The following FCHO2 variants were observed in gnomAD, a reference collection of about 807,000 sequenced individuals.
The protein encoded by FCHO2 is F-BAR domain only protein 2.
Under a neutral mutation model 114.1 loss-of-function variants are expected in FCHO2, and 43 were observed. The ratio of observed to expected loss-of-function variants is 0.38; its 90% CI spans 0.30 to 0.49. The LOEUF is 0.49. Ranked by LOEUF, FCHO2 falls within the 20% of genes least tolerant of loss-of-function variation. The pLI, the probability that FCHO2 is intolerant of heterozygous loss-of-function variation, is 0.97. For missense variants in FCHO2, 807 were observed against 950.4 expected, an observed-to-expected ratio of 0.85 and a Z score of 1.98; for synonymous variants, 293 against 315.2, an observed-to-expected ratio of 0.93 and a Z score of 0.75.
intron 10 of FCHO2, among the ~76,000 whole-genome samples, chr5:73,040,848 T>TTTCAG (rs1756768860): frequency 6.6e-6 from 1 of 152,172 alleles, no homozygotes; most frequent in Admixed American, 6.5e-5. Context: ...ACTTGCTACT[T>TTTCAG]AATACTGACT....
chr5:73,000,123 G>A (rs1018948636), intron 5 of FCHO2, among the ~76,000 whole-genome samples: 7 of 152,018 alleles, frequency 4.6e-5, no homozygotes, highest in South Asian at 2.1e-4. Context: ...CTTCACCTCA[G>A]CTTCCAGAGT....
At position 73,070,931 on chromosome 5, in the gene FCHO2, G is replaced by T. The variant is rs530263738; in HGVS notation, c.1579+2152G>T. ...TTGGGACACACACTGAAATTGAAAA[G>T]CACTGTGAGACGTCACCAGGTATTG... On this transcript the variant is annotated intron_variant, in intron 19 of 25. Transcript: ENST00000430046. Among the ~76,000 whole-genome samples, 6 of 152,132 alleles carry T rather than the reference G, an allele frequency of 3.9e-5. No individual in the cohort carries two copies. The East Asian group carries it at 1.2e-3, about 30-fold the overall frequency.
At chr5:73,080,478 C>T (rs1017448020) in intron 22 of FCHO2, among the ~76,000 whole-genome samples, 1 of 152,120 alleles carries the variant, frequency 6.6e-6, no homozygotes, top group Non-Finnish European at 1.5e-5. Context: ...GTTTAGAAAG[C>T]ACCTAAGTAC....
chr5:73,000,915 C>T (rs1341820815), intron 5 of FCHO2, among the ~76,000 whole-genome samples: 1 of 152,014 alleles, frequency 6.6e-6, no homozygotes, highest in Non-Finnish European at 1.5e-5. Context: ...GCCCAACTTC[C>T]CTTTTAATAA....
In FCHO2 at chr5:73,078,256, C is replaced by G. The variant is rs201144240; in HGVS notation, c.1924C>G (p.Leu642Val). The change falls in exon 22 of 26, where the codon CTG (leucine) becomes GTG (valine). Residue 642 changes from leucine (L) to valine (V), a missense_variant. Coordinates refer to ENST00000430046, the MANE Select transcript of FCHO2 (RefSeq NM_138782.3). ...MQAVTVYLKKLSEQNPAASYY... is the reference protein window; with the variant it reads ...MQAVTVYLKKVSEQNPAASYY... The stretch of plus-strand genomic sequence containing the variant: ...AGCTGTTACAGTCTACCTCAAGAAG[C>G]TGTCAGAGCAAAATCCAGCTGCTTC... The G allele has an allele frequency of 6.3e-7, 1 of 1,595,750 alleles. No individual in the cohort carries two copies.
intron 2 of FCHO2, among the ~76,000 whole-genome samples, chr5:72,974,756 C>G (rs1412147670): frequency 6.6e-6 from 1 of 152,034 alleles, no homozygotes; most frequent in Non-Finnish European, 1.5e-5. Context: ...ATGATGTTAG[C>G]TGGTGATTTT....
rs150597918 is a variant in FCHO2, at chr5:73,041,788, A to G, written c.939+473A>G. Among the ~76,000 whole-genome samples the G allele has an allele frequency of 3.6e-3, 544 of 152,214 alleles. 5 individuals carry two copies. Among genetic ancestry groups the G allele is most frequent in the African/African-American group, 0.013 (528 of 41,580 alleles). On this transcript the variant is annotated intron_variant, in intron 11 of 25. Transcript: ENST00000430046. Reference sequence around the variant, plus strand: ...GTTTTATTTTAAAGAAGGGTTGCTTATATTTCTTGATTAAATGTATTTCTT... The same window carrying G: ...GTTTTATTTTAAAGAAGGGTTGCTTGTATTTCTTGATTAAATGTATTTCTT...
intron 5 of FCHO2, among the ~76,000 whole-genome samples, chr5:72,993,569 T>A (rs747915020): frequency 9.2e-5 from 14 of 151,496 alleles, no homozygotes; most frequent in Non-Finnish European, 1.8e-4. Flanking sequence ...AAAATGGGTA[T>A]TTTTTTTTCC....
chr5:73,081,886 A>G lies in FCHO2; in HGVS notation c.2084A>G (p.Glu695Gly). The part of the protein sequence containing the change: ...DLRVDYKYNP[E>G]AMVAPSVLSN... ...AGAGTGGATTATAAATACAATCCAG[A>G]AGCTATGGTGGCACCTAGTGTGCTT... The change falls in exon 23 of 26, where the codon GAA becomes GGA. Residue 695 changes from glutamate to glycine, a missense_variant. Physicochemically the swap from Glu to Gly is moderately conservative, Grantham distance 98. Coordinates refer to ENST00000430046, the MANE Select transcript of FCHO2 (RefSeq NM_138782.3). 1 of 1,612,826 alleles carries G rather than the reference A, an allele frequency of 6.2e-7. No homozygotes were observed. The highest frequency in any genetic ancestry group is 8.5e-7 in the Non-Finnish European group (1 of 1,179,310).
intron 11 of FCHO2, among the ~76,000 whole-genome samples, chr5:73,047,424 C>A (rs1006302732): frequency 3.3e-5 from 5 of 151,930 alleles, no homozygotes; most frequent in Admixed American, 6.6e-5. Context: ...CAAAGATAAG[C>A]AGATGTATGT....
chr5:73,008,916 C>T (rs538291092), intron 6 of FCHO2, among the ~76,000 whole-genome samples: 34 of 152,244 alleles, frequency 2.2e-4, no homozygotes, highest in South Asian at 8.3e-4. Context: ...TTCCAAAACT[C>T]GCCTGGTCCC....
rs1487171288 is a variant in FCHO2 at position 73,089,221 on chromosome 5, CTG to C, written c.*1132_*1133del. On this transcript the variant is annotated 3_prime_UTR_variant, in exon 26 of 26. Coordinates refer to ENST00000430046, the MANE Select transcript of FCHO2 (RefSeq NM_138782.3). Reference sequence around the variant, plus strand: ...AAAAACTATAGTGCTAAATTGGTAACTGGTATTTTAACTCTCAATTTAGCATT... The same window carrying C: ...AAAAACTATAGTGCTAAATTGGTAACGTATTTTAACTCTCAATTTAGCATT... 1 of 152,470 alleles carries C rather than the reference CTG, an allele frequency of 6.6e-6. No individual in the cohort carries two copies. Among genetic ancestry groups the C allele is most frequent in the Non-Finnish European group, 1.5e-5 (1 of 67,968 alleles). 9.4% of individuals were successfully genotyped at this position (152,470 alleles called of 1,614,324 possible).
At chr5:72,984,126 G>A (rs1287602534) in intron 2 of FCHO2, among the ~76,000 whole-genome samples, 1 of 152,112 alleles carries the variant, frequency 6.6e-6, no homozygotes, top group African/African-American at 2.4e-5. Context: ...TTTCTCTGGT[G>A]AATAATGGGA....
At chr5:73,012,836 A>C (rs1755094929) in intron 6 of FCHO2, among the ~76,000 whole-genome samples, 1 of 152,066 alleles carries the variant, frequency 6.6e-6, no homozygotes, top group Admixed American at 6.6e-5. Context: ...CCCTACCCCC[A>C]AAACCCCACA....
At chr5:73,014,630 A>G (rs374751660) in intron 6 of FCHO2, among the ~76,000 whole-genome samples, 19 of 152,272 alleles carry the variant, frequency 1.2e-4, no homozygotes, top group East Asian at 5.8e-4. Flanking sequence ...TTGAAAATCT[A>G]TGGGCTAGAT....
intron 19 of FCHO2, among the ~76,000 whole-genome samples, chr5:73,070,092 A>C (rs1331309040): frequency 2.0e-5 from 3 of 152,092 alleles, no homozygotes; most frequent in Admixed American, 6.6e-5. Context: ...AGAAATGCAG[A>C]CTTTTAAAAT....
rs931516008 is a variant in FCHO2 at position 73,089,930 on chromosome 5, A to G, written c.*1840A>G. Reference sequence around the variant, plus strand: ...TTACTAAATAGTGAGCTAAATTAGAATTTCTAACTCTTATATTGTGCTCTT... The same window carrying G: ...TTACTAAATAGTGAGCTAAATTAGAGTTTCTAACTCTTATATTGTGCTCTT... On this transcript the variant is annotated 3_prime_UTR_variant, in exon 26 of 26. Transcript: ENST00000430046. 6.6e-6 allele frequency: 1 copy of G among 152,584 alleles called. No homozygotes were observed. Among genetic ancestry groups the G allele is most frequent in the Non-Finnish European group, 1.5e-5 (1 of 67,974 alleles). The allele number at this position is 152,584 out of a possible 1,614,324, so 9.5% of individuals were successfully genotyped here. A position where few individuals can be genotyped will look rare whatever the true frequency, so the allele number is the denominator to read the frequency against.
chr5:73,063,790 A>C, intron 17 of FCHO2, 51 bp from the exon 18 acceptor site: 2 of 1,499,362 alleles, frequency 1.3e-6, no homozygotes, highest in South Asian at 2.4e-5. Context: ...TTATGTAAGG[A>C]TTGCTACATA....
intron 8 of FCHO2, among the ~76,000 whole-genome samples, chr5:73,032,091 CA>C (rs1354522088): frequency 3.3e-5 from 5 of 152,198 alleles, no homozygotes; most frequent in Admixed American, 6.5e-5. Flanking sequence ...TGACATGCTA[CA>C]GGGGGGGTCA....
Sources: allele counts gnomAD v4.1 joint callset (sites outside exome capture counted in the v4.1 genomes callset), GRCh38; gene constraint gnomAD v4.1.1; transcripts MANE v1.5; gene names NCBI Gene and HGNC (gene_info 2026-07-23, HGNC 2026-07-21).